Variants in KATNAL2 observed in about 807,000 individuals in gnomAD.
The protein encoded by KATNAL2 is katanin p60 ATPase-containing subunit A-like 2.
A neutral mutation model predicts 76.3 loss-of-function variants in KATNAL2; 52 were observed. The ratio of observed to expected loss-of-function variants is 0.68; its 90% CI spans 0.55 to 0.86. The LOEUF is 0.86. KATNAL2 is among the 40% of genes least tolerant of loss of function. The pLI is 0.00. For missense variants in KATNAL2, 660 were observed against 668.9 expected (o/e 0.99, Z 0.15); for synonymous variants, 243 against 244.2 (o/e 1.00, Z 0.05).
intron 1 of KATNAL2, among the ~76,000 whole-genome samples, chr18:46,922,139 C>T (rs1297951842): frequency 2.7e-5 from 4 of 147,630 alleles, no homozygotes; most frequent in Admixed American, 6.8e-5. Flanking sequence ...CTCACTCTGT[C>T]GCCCAGGCTA....
At chr18:46,941,624 G>T (rs1246704344) in intron 1 of KATNAL2, among the ~76,000 whole-genome samples, 3 of 151,984 alleles carry the variant, frequency 2.0e-5, no homozygotes, top group African/African-American at 4.8e-5. Flanking sequence ...TTGAGACAGG[G>T]TCTCACTCCT....
intron 3 of KATNAL2, among the ~76,000 whole-genome samples, chr18:47,032,311 A>G (rs2060504667): frequency 6.6e-6 from 1 of 152,244 alleles, no homozygotes; most frequent in African/African-American, 2.4e-5. Context: ...CAGTGGAATG[A>G]TGAAGGGTCA....
Position 47,069,280 on chromosome 18 carries a change from C to T in KATNAL2, c.886C>T (p.Pro296Ser). The T allele has an allele frequency of 6.2e-7, 1 of 1,608,202 alleles. No individual in the cohort carries two copies. Among genetic ancestry groups the T allele is most frequent in the Non-Finnish European group, 8.5e-7 (1 of 1,176,708 alleles). Reference sequence around the variant, plus strand: ...GAAAGGACTACTGCTGTACGGCCCTCCAGGTAAACACAGCTTCCTATTTTG... The same window carrying T: ...GAAAGGACTACTGCTGTACGGCCCTTCAGGTAAACACAGCTTCCTATTTTG... ...PWKGLLLYGP[P>S]GTGKTLLAKA... Residue 296 changes from proline to serine, a missense_variant, in exon 12 of 18, where the codon CCA (proline) becomes TCA (serine). Physicochemically the swap from Pro to Ser is moderately conservative, Grantham distance 74 (BLOSUM62 -1). Transcript: ENST00000683218.
At chr18:47,068,333 A>G (rs2061880456) in intron 11 of KATNAL2, among the ~76,000 whole-genome samples, 1 of 152,210 alleles carries the variant, frequency 6.6e-6, no homozygotes, top group African/African-American at 2.4e-5. Context: ...GCTTTCCTCT[A>G]AGGAGACAAA....
chr18:47,038,829 C>G (rs1288852405), intron 3 of KATNAL2, among the ~76,000 whole-genome samples: 2 of 152,082 alleles, frequency 1.3e-5, no homozygotes, highest in Admixed American at 1.3e-4. Flanking sequence ...TATTATAAAA[C>G]CCACAAGAAA....
chr18:46,952,595 T>G (rs56123148), intron 3 of KATNAL2, among the ~76,000 whole-genome samples: 11,666 of 151,912 alleles, frequency 0.077, 484 homozygotes, highest in African/African-American at 0.1. Flanking sequence ...AGACGGAAGT[T>G]TAACCATATT....
In KATNAL2 at chr18:47,069,203, G is replaced by T; in HGVS notation, c.826-17G>T. 6.3e-7 allele frequency: 1 copy of T among 1,598,330 alleles called. No homozygotes were observed. The highest frequency in any genetic ancestry group is 2.2e-5 in the East Asian group (1 of 44,794). On this transcript the variant is annotated splice_polypyrimidine_tract_variant and intron_variant, in intron 11 of 17. Coordinates refer to ENST00000683218, the MANE Select transcript of KATNAL2 (RefSeq NM_001387690.1). ...TGTGTTGGTACCAAACCTCATCCTT[G>T]TTCCTTGTTTCCTTAGTATCCACAG...
At position 47,058,332 on chromosome 18, in the gene KATNAL2, A is replaced by G. The variant is rs760751083; in HGVS notation, c.430A>G (p.Asn144Asp). Residue 144 changes from asparagine to aspartate, a missense_variant, in exon 7 of 18, where the codon AAT becomes GAT. Coordinates refer to ENST00000683218, the MANE Select transcript of KATNAL2 (RefSeq NM_001387690.1). ...GAAGACAGGGGACACCAAATCGCTC[A>G]ATAAGGAGCATCCTAATCAGGTCAG... ...AGKTGDTKSL[N>D]KEHPNQEVVD... 11 of 1,612,228 alleles carry G rather than the reference A, an allele frequency of 6.8e-6. No individual in the cohort carries two copies. The South Asian group carries it at 1.2e-4, about 18-fold the overall frequency.
intron 1 of KATNAL2, among the ~76,000 whole-genome samples, chr18:46,934,422 G>A (rs1568987456): frequency 6.6e-6 from 1 of 152,180 alleles, no homozygotes; most frequent in Admixed American, 6.5e-5. Context: ...TTTTTCACGT[G>A]TCTTTTGGCT....
At chr18:46,959,871 G>A (rs545734767) in intron 3 of KATNAL2, among the ~76,000 whole-genome samples, 33 of 152,208 alleles carry the variant, frequency 2.2e-4, no homozygotes, top group African/African-American at 7.9e-4. Context: ...CACCACGCCT[G>A]GCCAGGTTTT....
At chr18:47,071,946 ATTTCTTCTTTT>A in intron 13 of KATNAL2, among the ~76,000 whole-genome samples, 1 of 106,162 alleles carries the variant, frequency 9.4e-6, no homozygotes, top group African/African-American at 3.8e-5. Context: ...TCCTCTCCCA[ATTTCTTCTTTT>A]TTTTTTTTTT....
At chr18:46,956,173 G>A (rs1014970728) in intron 3 of KATNAL2, among the ~76,000 whole-genome samples, 1 of 152,178 alleles carries the variant, frequency 6.6e-6, no homozygotes, top group African/African-American at 2.4e-5. Context: ...CTGAGCATGA[G>A]AGTGGGTATT....
Position 47,075,352 on chromosome 18 carries a change from A to C in KATNAL2, c.1084A>C (p.Arg362=). 6.5e-7 allele frequency: 1 copy of C among 1,544,318 alleles called. No homozygotes were observed. ...CGAGCTGGAGTCGGTGATGAGTCAGAGAGGCACAGCTTCTGGGTAACAGAC... is the reference window on the plus strand; with the variant it reads ...CGAGCTGGAGTCGGTGATGAGTCAGCGAGGCACAGCTTCTGGGTAACAGAC... The part of the protein sequence containing the change: ...LDELESVMSQ[R]GTASGGEHEG... The change falls in exon 14 of 18, where the codon AGA becomes CGA. Residue 362 remains arginine (R), a synonymous_variant. Transcript: ENST00000683218.
rs1215656416 is a variant in KATNAL2 at position 47,100,325 on chromosome 18, G to A, written c.1446G>A (p.Lys482=). Residue 482 remains lysine, a synonymous_variant, in exon 17 of 18, where the codon AAG becomes AAA. Coordinates refer to ENST00000683218, the MANE Select transcript of KATNAL2 (RefSeq NM_001387690.1). ...AAGCAGCCATGCGGCCCGTGAGGAA[G>A]ATCTTTGATGCACTTGAAAATCACC... ...CREAAMRPVR[K]IFDALENHQS... 3 of 1,613,998 alleles carry A rather than the reference G, an allele frequency of 1.9e-6. No homozygotes were observed. Among genetic ancestry groups the A allele is most frequent in the African/African-American group, 2.7e-5 (2 of 74,932 alleles).
At position 47,059,597 on chromosome 18, in the gene KATNAL2, C is replaced by T; in HGVS notation, c.492C>T (p.Gly164=). ...DNTRLESANF[G]LHISRIRKDS... ...CTCGCCTGGAAAGTGCCAACTTCGG[C>T]CTACATATATCAAGAATCCGTAAAG... The change falls in exon 8 of 18, where the codon GGC becomes GGT. Residue 164 remains glycine, a synonymous_variant. Coordinates refer to ENST00000683218, the MANE Select transcript of KATNAL2 (RefSeq NM_001387690.1). 6.2e-7 allele frequency: 1 copy of T among 1,613,756 alleles called. No individual in the cohort carries two copies. The highest frequency in any genetic ancestry group is 8.5e-7 in the Non-Finnish European group (1 of 1,179,678).
At chr18:47,076,880 A>G (rs1274507187) in intron 14 of KATNAL2, among the ~76,000 whole-genome samples, 3 of 151,236 alleles carry the variant, frequency 2.0e-5, no homozygotes, top group African/African-American at 7.3e-5. Flanking sequence ...ATTAAGGGGC[A>G]TAGATCCTAA....
intron 6 of KATNAL2, chr18:47,054,743 A>G: frequency 3.0e-6 from 1 of 328,794 alleles, no homozygotes; most frequent in East Asian, 5.4e-5. Flanking sequence ...TGGCTCTGCT[A>G]TTTACAAGCA....
chr18:46,941,903 G>A (rs894443412), intron 1 of KATNAL2, among the ~76,000 whole-genome samples: 18 of 152,116 alleles, frequency 1.2e-4, no homozygotes, highest in Admixed American at 1.0e-3. Context: ...AATGGTGAGC[G>A]CACACTTGGA....
intron 15 of KATNAL2, chr18:47,098,640 C>T (rs2063349550): frequency 6.5e-6 from 1 of 154,412 alleles, no homozygotes; most frequent in Admixed American, 6.4e-5. Context: ...TAAACTTGGC[C>T]TGACAGTTTT....
Sources: gnomAD v4.1 joint callset for allele counts (sites outside exome capture counted in the v4.1 genomes callset) on GRCh38, gnomAD v4.1.1 for gene constraint, MANE v1.5 for transcripts, NCBI Gene and HGNC (gene_info 2026-07-23, HGNC 2026-07-21) for gene names.